NAALADL2: variants seen among roughly 807,000 people sequenced by gnomAD.
NAALADL2 encodes the protein inactive N-acetylated-alpha-linked acidic dipeptidase-like protein 2.
NAALADL2 carries 76 observed loss-of-function variants against 87.2 expected under a neutral mutation model. That is an observed-to-expected ratio of 0.87 (90% CI 0.72 to 1.05). The LOEUF (loss-of-function observed/expected upper bound fraction) is 1.05, where lower values mean the gene tolerates loss of function less well. Among genes scored for constraint, NAALADL2 ranks in the 50% least tolerant of loss-of-function variants. The pLI, the probability that NAALADL2 is intolerant of heterozygous loss-of-function variation, is 0.00. For missense variants in NAALADL2, 1,089 were observed against 945.8 expected, an observed-to-expected ratio of 1.15 and a Z score of -1.99; for synonymous variants, 354 against 331.0, an observed-to-expected ratio of 1.07 and a Z score of -0.75.
In NAALADL2 at chr3:174,576,288, A is replaced by G. The variant is rs77387768; in HGVS notation, c.-115+25651A>G. Among the ~76,000 whole-genome samples the G allele has an allele frequency of 1.0e-3, 152 of 152,322 alleles. 4 individuals are homozygous for G. The East Asian group carries it at 0.024, about 24-fold the overall frequency. Reference sequence around the variant, plus strand: ...ATTATAAAAACTTGAAATAAATGTTAAGAAGGAAAATTACATGAGAGTACT... The same window carrying G: ...ATTATAAAAACTTGAAATAAATGTTGAGAAGGAAAATTACATGAGAGTACT... On this transcript the variant is annotated intron_variant, in intron 2 of 3. Coordinates refer to the NAALADL2 transcript ENST00000434257.
chr3:175,722,912 A>G (rs1742432347), intron 11 of NAALADL2, among the ~76,000 whole-genome samples: 1 of 152,266 alleles, frequency 6.6e-6, no homozygotes, highest in East Asian at 1.9e-4. Flanking sequence ...GTGAACAGCC[A>G]TATGATACAA....
At chr3:175,000,869 T>C (rs1270075492) in intron 1 of NAALADL2, among the ~76,000 whole-genome samples, 1 of 152,196 alleles carries the variant, frequency 6.6e-6, no homozygotes, top group Non-Finnish European at 1.5e-5. Flanking sequence ...ATATAGAAAC[T>C]TGACCTTAGA....
chr3:175,739,962 G>A (rs1745018022), intron 12 of NAALADL2, among the ~76,000 whole-genome samples: 1 of 152,168 alleles, frequency 6.6e-6, no homozygotes, highest in African/African-American at 2.4e-5. Flanking sequence ...ATGGAGGAGA[G>A]ATCTGACCTG....
At chr3:175,211,993 T>A (rs1415249215) in intron 2 of NAALADL2, among the ~76,000 whole-genome samples, 1 of 143,432 alleles carries the variant, frequency 7.0e-6, no homozygotes, top group South Asian at 2.2e-4. Context: ...AAATATCGTA[T>A]TTTTTTGTCA....
At chr3:174,451,504 T>G (rs1715477385) in intron 1 of NAALADL2, among the ~76,000 whole-genome samples, 1 of 152,228 alleles carries the variant, frequency 6.6e-6, no homozygotes, top group Non-Finnish European at 1.5e-5. Context: ...TTTCTTAGCA[T>G]GTATCCAATT....
intron 3 of NAALADL2, among the ~76,000 whole-genome samples, chr3:174,842,899 C>T (rs570185683): frequency 2.6e-5 from 4 of 151,984 alleles, no homozygotes; most frequent in African/African-American, 7.2e-5. Context: ...TTTTCCTTGC[C>T]GTCAATTATG....
At chr3:174,970,855 G>C (rs1021681307) in intron 1 of NAALADL2, among the ~76,000 whole-genome samples, 6 of 152,090 alleles carry the variant, frequency 3.9e-5, no homozygotes, top group Admixed American at 2.6e-4. Context: ...AGTCACTCAG[G>C]CAATTTGAAA....
intron 3 of NAALADL2, among the ~76,000 whole-genome samples, chr3:174,787,606 T>TATATATATATATATACACAC (rs1716942849): frequency 9.5e-6 from 1 of 104,830 alleles, no homozygotes; most frequent in Non-Finnish European, 2.1e-5. Flanking sequence ...TATATATATA[T>TATATATATATATATACACAC]ATATATATAT....
chr3:174,936,651 C>G (rs1427515026), intron 1 of NAALADL2, among the ~76,000 whole-genome samples: 1 of 152,044 alleles, frequency 6.6e-6, no homozygotes, highest in African/African-American at 2.4e-5. Flanking sequence ...CACAAAAAAT[C>G]TAGTAGTTTT....
intron 2 of NAALADL2, among the ~76,000 whole-genome samples, chr3:174,681,132 G>A (rs1727492605): frequency 6.6e-6 from 1 of 152,116 alleles, no homozygotes; most frequent in Admixed American, 6.6e-5. Flanking sequence ...GCCTGTGGAG[G>A]GAGCAATTAC....
At chr3:175,134,953 C>T (rs1049055335) in intron 2 of NAALADL2, among the ~76,000 whole-genome samples, 1 of 152,064 alleles carries the variant, frequency 6.6e-6, no homozygotes, top group African/African-American at 2.4e-5. Flanking sequence ...TCAAATATAT[C>T]CACATAGAGT....
intron 4 of NAALADL2, among the ~76,000 whole-genome samples, chr3:175,309,426 T>C (rs1377027511): frequency 6.6e-6 from 1 of 152,104 alleles, no homozygotes; most frequent in Non-Finnish European, 1.5e-5. Flanking sequence ...CCTCAGGTGA[T>C]CCGCCTGCCT....
chr3:175,323,868 AT>A (rs2110430007), intron 4 of NAALADL2, among the ~76,000 whole-genome samples: 2 of 140,280 alleles, frequency 1.4e-5, no homozygotes, highest in African/African-American at 5.5e-5. Flanking sequence ...ATACAAAAAA[AT>A]TAGCCGGGTG....
chr3:175,094,720 A>G (rs1165853156), intron 1 of NAALADL2, among the ~76,000 whole-genome samples: 1 of 132,732 alleles, frequency 7.5e-6, no homozygotes, highest in East Asian at 2.2e-4. Context: ...ATCTCTACAC[A>G]TAGACTAAAT....
chr3:174,764,880 C>T (rs955592899), intron 3 of NAALADL2, among the ~76,000 whole-genome samples: 2 of 151,890 alleles, frequency 1.3e-5, no homozygotes, highest in Non-Finnish European at 2.9e-5. Flanking sequence ...ATAAGTCCAA[C>T]TAGAAACAAC....
At chr3:175,717,929 C>A (rs1026401894) in intron 11 of NAALADL2, among the ~76,000 whole-genome samples, 1 of 151,100 alleles carries the variant, frequency 6.6e-6, no homozygotes, top group Non-Finnish European at 1.5e-5. Context: ...GTTGCCTCAG[C>A]CTCCAGAGAA....
chr3:175,422,594 T>C (rs1428463334), intron 5 of NAALADL2, among the ~76,000 whole-genome samples: 1 of 152,068 alleles, frequency 6.6e-6, no homozygotes, highest in African/African-American at 2.4e-5. Flanking sequence ...AAAAAAAATC[T>C]TTTATTTGTT....
intron 9 of NAALADL2, among the ~76,000 whole-genome samples, chr3:175,513,569 A>G (rs1051427373): frequency 2.0e-5 from 3 of 152,216 alleles, no homozygotes; most frequent in Non-Finnish European, 4.4e-5. Flanking sequence ...CAAGGTAGGG[A>G]AAAAGTAATT....
chr3:175,761,498 A>G (rs760919509), intron 13 of NAALADL2, among the ~76,000 whole-genome samples: 1 of 150,426 alleles, frequency 6.6e-6, no homozygotes, highest in Non-Finnish European at 1.5e-5. Flanking sequence ...ATACATTTCA[A>G]TTTATTTCAG....
Sources: gnomAD v4.1 joint callset for allele counts (sites outside exome capture counted in the v4.1 genomes callset) on GRCh38, gnomAD v4.1.1 for gene constraint, MANE v1.5 for transcripts, NCBI Gene and HGNC (gene_info 2026-07-23, HGNC 2026-07-21) for gene names.